Variants in TMEM178B observed in about 807,000 individuals in gnomAD.
TMEM178B encodes transmembrane protein 178B.
Under a neutral mutation model 31.0 loss-of-function variants are expected in TMEM178B, and 5 were observed. That is an observed-to-expected ratio of 0.16 (90% CI 0.08 to 0.34). TMEM178B has a LOEUF of 0.34. Among genes scored for constraint, TMEM178B ranks in the 10% least tolerant of loss-of-function variants. The pLI is 1.00. For synonymous variants in TMEM178B, 164 were observed against 164.0 expected, an observed-to-expected ratio of 1.00 and a Z score of 0.00; for missense variants, 275 against 400.3, an observed-to-expected ratio of 0.69 and a Z score of 2.67.
In TMEM178B at chr7:141,400,549, G is replaced by A. The variant is rs1347473329; in HGVS notation, c.497-37059G>A. ...CAGGGAATACACCCACCCATTCCCA[G>A]AATAGTGCCTTTCACCCATACTCTT... On this transcript the variant is annotated intron_variant, in intron 2 of 3. Transcript: ENST00000565468. Among the ~76,000 whole-genome samples, 5 of 152,266 alleles carry A rather than the reference G, an allele frequency of 3.3e-5. No individual in the cohort carries two copies. In the East Asian group the frequency reaches 9.7e-4, roughly 29 times the overall value.
At chr7:141,201,705 G>C (rs1796879692) in intron 1 of TMEM178B, among the ~76,000 whole-genome samples, 1 of 152,186 alleles carries the variant, frequency 6.6e-6, no homozygotes, top group Non-Finnish European at 1.5e-5. Context: ...CGTCAGATGC[G>C]GGCTAGTGAG....
At chr7:141,170,898 C>T (rs1363339093) in intron 1 of TMEM178B, among the ~76,000 whole-genome samples, 1 of 152,142 alleles carries the variant, frequency 6.6e-6, no homozygotes, top group Non-Finnish European at 1.5e-5. Flanking sequence ...AACTGCAAGG[C>T]ACAGTCGGCA....
At chr7:141,459,091 G>A (rs113476635) in intron 3 of TMEM178B, among the ~76,000 whole-genome samples, 8 of 152,196 alleles carry the variant, frequency 5.3e-5, no homozygotes, top group Admixed American at 2.0e-4. Context: ...GTGCAATGGC[G>A]TGATCTCGGC....
At chr7:141,507,466 G>A in the TMEM178B span, among the ~76,000 whole-genome samples, 1 of 152,286 alleles carries the variant, frequency 6.6e-6, no homozygotes, top group South Asian at 2.1e-4. Flanking sequence ...TCTGCCACCC[G>A]GGTTCAAATG....
intron 2 of TMEM178B, among the ~76,000 whole-genome samples, chr7:141,395,914 A>G (rs1800629247): frequency 6.6e-6 from 1 of 152,136 alleles, no homozygotes; most frequent in African/African-American, 2.4e-5. Flanking sequence ...GCGTTGCTTC[A>G]TATTCAGGAG....
At chr7:141,283,372 G>A (rs1474070687) in intron 2 of TMEM178B, among the ~76,000 whole-genome samples, 2 of 152,206 alleles carry the variant, frequency 1.3e-5, no homozygotes, top group Admixed American at 1.3e-4. Flanking sequence ...TTCCAGACTG[G>A]GGAAGCAGAC....
At chr7:141,362,644 C>T (rs1799935755) in intron 2 of TMEM178B, among the ~76,000 whole-genome samples, 1 of 152,096 alleles carries the variant, frequency 6.6e-6, no homozygotes, top group South Asian at 2.1e-4. Context: ...TCTGTGGGGG[C>T]ATTTGGTGCT....
At chr7:141,208,461 A>G (rs556136993) in intron 1 of TMEM178B, among the ~76,000 whole-genome samples, 4 of 152,326 alleles carry the variant, frequency 2.6e-5, no homozygotes, top group African/African-American at 7.2e-5. Flanking sequence ...TGGTTCCTGT[A>G]TTTACAAAAG....
chr7:141,128,599 G>A (rs1795543610), intron 1 of TMEM178B, among the ~76,000 whole-genome samples: 1 of 151,814 alleles, frequency 6.6e-6, no homozygotes, highest in Admixed American at 6.6e-5. Flanking sequence ...CAGGAACAAA[G>A]CACAGTTTGT....
At chr7:141,152,251 C>T (rs944678617) in intron 1 of TMEM178B, among the ~76,000 whole-genome samples, 5 of 152,132 alleles carry the variant, frequency 3.3e-5, no homozygotes, top group Non-Finnish European at 5.9e-5. Context: ...AGGCATAGAG[C>T]GCTCTTGCAG....
At chr7:141,262,638 T>C (rs1798032554) in intron 2 of TMEM178B, among the ~76,000 whole-genome samples, 1 of 152,026 alleles carries the variant, frequency 6.6e-6, no homozygotes, top group Non-Finnish European at 1.5e-5. Flanking sequence ...AGACAGCTTC[T>C]CACATACATT....
chr7:141,082,995 A>C (rs913428994), intron 1 of TMEM178B, among the ~76,000 whole-genome samples: 2 of 152,204 alleles, frequency 1.3e-5, no homozygotes, highest in Non-Finnish European at 2.9e-5. Flanking sequence ...TTGGATTGTC[A>C]GTTGAAAACA....
intron 3 of TMEM178B, among the ~76,000 whole-genome samples, chr7:141,467,546 T>G (rs1215907471): frequency 6.6e-6 from 1 of 152,134 alleles, no homozygotes; most frequent in Admixed American, 6.5e-5. Flanking sequence ...CCCTTCCCCC[T>G]GATGACCACG....
At chr7:141,429,740 G>A (rs921701365) in intron 2 of TMEM178B, 3 of 152,194 alleles carry the variant, frequency 2.0e-5, no homozygotes, top group Non-Finnish European at 4.4e-5. Flanking sequence ...TTCATTTGTT[G>A]ATGAGCTAGA....
intron 1 of TMEM178B, among the ~76,000 whole-genome samples, chr7:141,079,674 T>A (rs777829565): frequency 6.6e-6 from 1 of 152,178 alleles, no homozygotes; most frequent in Non-Finnish European, 1.5e-5. Flanking sequence ...CCTCCTGCCC[T>A]CTCCATCTCC....
intron 3 of TMEM178B, among the ~76,000 whole-genome samples, chr7:141,456,391 C>T (rs1172366360): frequency 6.6e-6 from 1 of 152,160 alleles, no homozygotes; most frequent in East Asian, 1.9e-4. Flanking sequence ...TGTACACTTT[C>T]CACAAAACCA....
At chr7:141,403,246 TGGTATCACGGG>T (rs1293638504) in intron 2 of TMEM178B, among the ~76,000 whole-genome samples, 1 of 152,198 alleles carries the variant, frequency 6.6e-6, no homozygotes, top group Non-Finnish European at 1.5e-5. Flanking sequence ...AGTGAGGGTT[TGGTATCACGGG>T]GGCCTCATCA....
At chr7:141,100,609 A>G (rs528042700) in intron 1 of TMEM178B, among the ~76,000 whole-genome samples, 5 of 152,340 alleles carry the variant, frequency 3.3e-5, no homozygotes. Flanking sequence ...TCTTACATAA[A>G]TAGAAAGGCA....
chr7:141,159,121 C>T (rs1796124809), intron 1 of TMEM178B, among the ~76,000 whole-genome samples: 1 of 152,130 alleles, frequency 6.6e-6, no homozygotes, highest in African/African-American at 2.4e-5. Context: ...GCCTGCACCC[C>T]TGTTCTATCC....
Sources: gnomAD v4.1 joint callset for allele counts (sites outside exome capture counted in the v4.1 genomes callset) on GRCh38, gnomAD v4.1.1 for gene constraint, MANE v1.5 for transcripts, NCBI Gene and HGNC (gene_info 2026-07-23, HGNC 2026-07-21) for gene names.